Variants in DMXL2 observed in about 807,000 individuals in gnomAD.
The protein encoded by DMXL2 is dmX-like protein 2.
Under a neutral mutation model 331.1 loss-of-function variants are expected in DMXL2, and 103 were observed. The ratio of observed to expected loss-of-function variants is 0.31; its 90% confidence interval spans 0.27 to 0.37. The LOEUF (loss-of-function observed/expected upper bound fraction) is 0.37, where lower values mean the gene tolerates loss of function less well. Among genes scored for constraint, DMXL2 ranks in the 10% least tolerant of loss-of-function variants. The pLI is 1.00. For synonymous variants in DMXL2, 1,281 were observed against 1,252.1 expected (o/e 1.02, Z -0.49); for missense variants, 3,171 against 3,642.9 (o/e 0.87, Z 3.33).
chr15:51,450,394 T>C, intron 42 of DMXL2, 48 bp from the exon 43 acceptor site: 1 of 1,571,092 alleles, frequency 6.4e-7, no homozygotes, highest in Admixed American at 1.7e-5. Flanking sequence ...TTTCTTGTCT[T>C]GGTAATTATG....
intron 23 of DMXL2, among the ~76,000 whole-genome samples, chr15:51,484,559 A>T (rs1346572891): frequency 6.6e-6 from 1 of 152,184 alleles, no homozygotes; most frequent in Non-Finnish European, 1.5e-5. Flanking sequence ...TCATAGTAAC[A>T]AGTCTTTCCC....
chr15:51,488,992 G>A (rs1441616397), intron 20 of DMXL2, among the ~76,000 whole-genome samples: 1 of 152,174 alleles, frequency 6.6e-6, no homozygotes, highest in African/African-American at 2.4e-5. Flanking sequence ...GACTGAGACA[G>A]AAAGGTTAAG....
intron 1 of DMXL2, among the ~76,000 whole-genome samples, chr15:51,613,695 T>C (rs2054119291): frequency 6.6e-6 from 1 of 152,252 alleles, no homozygotes; most frequent in African/African-American, 2.4e-5. Flanking sequence ...GGGGTTTTTA[T>C]TTGCTTTTTG....
At chr15:51,460,236 C>A (rs2039995831) in intron 33 of DMXL2, 5 of 985,736 alleles carry the variant, frequency 5.1e-6, no homozygotes, top group Non-Finnish European at 6.0e-6. Flanking sequence ...TATATTTCTG[C>A]TCTGCTGTGG....
At chr15:51,492,513 G>A (rs1201385166) in intron 19 of DMXL2, among the ~76,000 whole-genome samples, 1 of 152,016 alleles carries the variant, frequency 6.6e-6, no homozygotes, top group East Asian at 1.9e-4. Context: ...TTTTACCTGG[G>A]AGAAGACTGA....
chr15:51,514,300 G>C, intron 15 of DMXL2, 142 bp downstream of exon 15: 1 of 555,268 alleles, frequency 1.8e-6, no homozygotes, highest in Non-Finnish European at 3.1e-6. Context: ...TCATCTACAA[G>C]CAAGCAATTT....
chr15:51,507,571 T>A (rs1231002448), intron 15 of DMXL2, among the ~76,000 whole-genome samples: 1 of 151,876 alleles, frequency 6.6e-6, no homozygotes, highest in Non-Finnish European at 1.5e-5. Context: ...AACTATGAGT[T>A]CACACAAATA....
At chr15:51,457,159 C>T (rs985798048) in intron 37 of DMXL2, 169 bp downstream of exon 37, 22 of 754,404 alleles carry the variant, frequency 2.9e-5, no homozygotes, top group Non-Finnish European at 4.3e-5. Context: ...GCGACAGAGC[C>T]AGACCCTGTC....
chr15:51,487,003 C>T (rs1018801026), intron 22 of DMXL2, among the ~76,000 whole-genome samples: 1 of 152,086 alleles, frequency 6.6e-6, no homozygotes, highest in Non-Finnish European at 1.5e-5. Flanking sequence ...AGTACTTTCA[C>T]TTAATTGAAT....
chr15:51,488,463 C>G, intron 21 of DMXL2, 85 bp downstream of exon 21: 1 of 1,198,510 alleles, frequency 8.3e-7, no homozygotes, highest in East Asian at 2.4e-5. Context: ...GCTCATATAC[C>G]TAATTATTTT....
At position 51,481,602 on chromosome 15, in the gene DMXL2, G is replaced by C; in HGVS notation, c.5504C>G (p.Pro1835Arg). ...EHQVIIKSCN[P>R]VAFSFYNYLR... ...GTAGTTATAAAAACTAAATGCCACC[G>C]GGTTACAAGACTTGATGATAACTAT... Residue 1835 changes from proline (P) to arginine (R), a missense_variant, in exon 24 of 44, where the codon CCG becomes CGG. This residue lies in a region of DMXL2 where 244 missense variants were observed against 251.4 expected (regional missense o/e 0.97). Coordinates refer to ENST00000560891, the MANE Select transcript of DMXL2 (RefSeq NM_001378457.1). 1 of 1,560,134 alleles carries C rather than the reference G, an allele frequency of 6.4e-7. No homozygotes were observed. Among genetic ancestry groups the C allele is most frequent in the Non-Finnish European group, 8.6e-7 (1 of 1,157,082 alleles).
intron 1 of DMXL2, among the ~76,000 whole-genome samples, chr15:51,579,588 A>G (rs117158793): frequency 1.7e-3 from 252 of 152,320 alleles, no homozygotes; most frequent in Non-Finnish European, 3.0e-3. Context: ...ATAGCTGTAT[A>G]GTAAATAAAT....
chr15:51,550,136 A>G (rs902044581), intron 6 of DMXL2, among the ~76,000 whole-genome samples: 2 of 152,192 alleles, frequency 1.3e-5, no homozygotes, highest in African/African-American at 4.8e-5. Flanking sequence ...ACAAGTCAAT[A>G]CATATGATAC....
intron 13 of DMXL2, among the ~76,000 whole-genome samples, chr15:51,530,400 C>T (rs1423697202): frequency 6.6e-6 from 1 of 152,080 alleles, no homozygotes; most frequent in Non-Finnish European, 1.5e-5. Context: ...AATCAACATA[C>T]AAATACCAGT....
intron 12 of DMXL2, 51 bp from the exon 13 acceptor site, chr15:51,535,835 C>G: frequency 6.5e-7 from 1 of 1,543,808 alleles, no homozygotes; most frequent in Non-Finnish European, 8.7e-7. Context: ...GTGTATTTTT[C>G]TTATTGGCTA....
At chr15:51,451,825 T>TAG in intron 41 of DMXL2, 128 bp from the exon 42 acceptor site, 1 of 713,922 alleles carries the variant, frequency 1.4e-6, no homozygotes, top group Admixed American at 2.5e-5. Flanking sequence ...CTCACACCTA[T>TAG]AGAGAGTAGT....
chr15:51,597,873 C>T (rs1387302041), intron 1 of DMXL2, among the ~76,000 whole-genome samples: 1 of 152,120 alleles, frequency 6.6e-6, no homozygotes, highest in Non-Finnish European at 1.5e-5. Flanking sequence ...TTCAATCTGT[C>T]TTTTTGTGAT....
intron 1 of DMXL2, among the ~76,000 whole-genome samples, chr15:51,611,765 T>C (rs1026248598): frequency 6.6e-6 from 1 of 152,190 alleles, no homozygotes; most frequent in Non-Finnish European, 1.5e-5. Context: ...TGGAGAACTT[T>C]TCTGTCTTAC....
At chr15:51,518,536 A>G (rs1409528131) in intron 13 of DMXL2, among the ~76,000 whole-genome samples, 1 of 152,148 alleles carries the variant, frequency 6.6e-6, no homozygotes, top group African/African-American at 2.4e-5. Context: ...TGAAACTAAG[A>G]CATCTGTATT....
Sources: gnomAD v4.1 joint callset for allele counts (sites outside exome capture counted in the v4.1 genomes callset) on GRCh38, gnomAD v4.1.1 for gene constraint, gnomAD v4.1.1 regional missense constraint, MANE v1.5 for transcripts, NCBI Gene and HGNC (gene_info 2026-07-23, HGNC 2026-07-21) for gene names.